The following HDAC9 variants were observed in gnomAD, a reference collection of about 807,000 sequenced individuals.
HDAC9 encodes the protein histone deacetylase 9, also known as MEF-2 interacting transcription repressor (MITR) protein.
HDAC9 carries 41 observed loss-of-function variants against 139.4 expected under a neutral mutation model. The observed-to-expected ratio is 0.29, with a 90% CI of 0.23 to 0.38. The LOEUF is 0.38. Ranked by LOEUF, HDAC9 falls within the 10% of genes least tolerant of loss-of-function variation. The probability of loss-of-function intolerance (pLI) is 1.00; values close to 1 mark genes in which losing one functional copy is unlikely to be tolerated. For synonymous variants in HDAC9, 517 were observed against 476.2 expected, an observed-to-expected ratio of 1.09 and a Z score of -1.12; for missense variants, 1,147 against 1,297.0, an observed-to-expected ratio of 0.88 and a Z score of 1.78.
intron 1 of HDAC9, among the ~76,000 whole-genome samples, chr7:18,326,470 T>C (rs1034969967): frequency 4.6e-5 from 7 of 152,030 alleles, no homozygotes; most frequent in African/African-American, 1.4e-4. Flanking sequence ...GATGCTTCAC[T>C]TCTCTATAGG....
At chr7:18,327,217 G>A (rs1044871956) in intron 1 of HDAC9, among the ~76,000 whole-genome samples, 2 of 151,710 alleles carry the variant, frequency 1.3e-5, no homozygotes, top group Non-Finnish European at 2.9e-5. Context: ...AAAAATAGTT[G>A]TGTTTAGGGA....
At chr7:18,290,101 T>TA (rs2128224142), upstream of HDAC9, 1 of 169,984 alleles carries the variant, frequency 5.9e-6, no homozygotes, top group African/African-American at 2.4e-5. Context: ...TGAGTATACT[T>TA]AGAGTATGGA....
At chr7:18,890,818 T>G (rs1416082963) in intron 22 of HDAC9, among the ~76,000 whole-genome samples, 7 of 152,218 alleles carry the variant, frequency 4.6e-5, no homozygotes, top group African/African-American at 1.7e-4. Flanking sequence ...CACCGTAATA[T>G]AAACTTTAAG....
chr7:18,853,921 A>C (rs1186668025), intron 21 of HDAC9, among the ~76,000 whole-genome samples: 1 of 152,148 alleles, frequency 6.6e-6, no homozygotes, highest in African/African-American at 2.4e-5. Flanking sequence ...TGGTTATCTT[A>C]AGTGTTGATT....
At chr7:18,822,724 C>T (rs10225036) in intron 17 of HDAC9, among the ~76,000 whole-genome samples, 1,804 of 152,234 alleles carry the variant, frequency 0.012, 36 homozygotes, top group African/African-American at 0.041. Flanking sequence ...AATGACTTTT[C>T]TTCTGTGCCA....
intron 23 of HDAC9, among the ~76,000 whole-genome samples, chr7:18,938,370 T>C (rs1267156295): frequency 6.6e-6 from 1 of 150,396 alleles, no homozygotes; most frequent in Non-Finnish European, 1.5e-5. Flanking sequence ...CCGAGGCGGG[T>C]GGATCACGAG....
intron 1 of HDAC9, among the ~76,000 whole-genome samples, chr7:18,312,646 G>C (rs1799393158): frequency 6.6e-6 from 1 of 152,076 alleles, no homozygotes; most frequent in East Asian, 1.9e-4. Flanking sequence ...CTTAGCAGAA[G>C]CTTCACAACT....
intron 2 of HDAC9, among the ~76,000 whole-genome samples, chr7:18,564,252 T>C (rs1821553777): frequency 6.6e-6 from 1 of 151,914 alleles, no homozygotes; most frequent in South Asian, 2.1e-4. Flanking sequence ...AAAAAAAAAA[T>C]TGTCCATGGC....
At chr7:18,521,935 T>C (rs1805185315) in intron 2 of HDAC9, among the ~76,000 whole-genome samples, 1 of 152,196 alleles carries the variant, frequency 6.6e-6, no homozygotes, top group African/African-American at 2.4e-5. Flanking sequence ...AACAGGAGGT[T>C]GAATGAACAT....
intron 1 of HDAC9, among the ~76,000 whole-genome samples, chr7:18,357,235 A>G (rs1223649288): frequency 1.3e-5 from 2 of 152,140 alleles, no homozygotes; most frequent in Non-Finnish European, 1.5e-5. Context: ...TATATATCCA[A>G]TCTAATATAT....
chr7:18,649,113 C>T (rs892905701), intron 11 of HDAC9, among the ~76,000 whole-genome samples: 2 of 152,158 alleles, frequency 1.3e-5, no homozygotes, highest in African/African-American at 2.4e-5. Flanking sequence ...TATGCATCTA[C>T]GTTACATTTA....
At chr7:18,225,022 TA>T (rs924201509) in intron 2 of HDAC9, among the ~76,000 whole-genome samples, 10 of 151,314 alleles carry the variant, frequency 6.6e-5, no homozygotes, top group South Asian at 2.1e-4. Context: ...ATAGTTGGCT[TA>T]AAAAAAAACC....
intron 1 of HDAC9, among the ~76,000 whole-genome samples, chr7:18,373,085 A>G (rs1296146149): frequency 6.6e-6 from 1 of 152,152 alleles, no homozygotes; most frequent in Admixed American, 6.6e-5. Context: ...CATTATTTTT[A>G]CAAGTACTTA....
intron 2 of HDAC9, among the ~76,000 whole-genome samples, chr7:18,273,326 C>A (rs1239512923): frequency 2.0e-5 from 3 of 151,998 alleles, no homozygotes; most frequent in African/African-American, 7.2e-5. Context: ...TCCTTGGCCT[C>A]CCAAAGTGCT....
At chr7:18,322,181 T>C (rs1301220815) in intron 1 of HDAC9, among the ~76,000 whole-genome samples, 1 of 152,162 alleles carries the variant, frequency 6.6e-6, no homozygotes, top group Non-Finnish European at 1.5e-5. Context: ...ACACTGTTCA[T>C]CTGTAAAGCT....
intron 17 of HDAC9, chr7:18,808,404 A>G (rs925819444): frequency 2.6e-5 from 4 of 152,208 alleles, no homozygotes; most frequent in African/African-American, 7.2e-5. Flanking sequence ...TGAATACGAC[A>G]TAGTTCTATG....
At chr7:18,441,116 G>A (rs1312777768) in intron 1 of HDAC9, among the ~76,000 whole-genome samples, 1 of 152,174 alleles carries the variant, frequency 6.6e-6, no homozygotes, top group Non-Finnish European at 1.5e-5. Context: ...CATAAAAGCT[G>A]AAGGGATACC....
At chr7:18,732,722 CACACACACGTGTATGTGTGCGTATGTGT>C (rs1469648097) in intron 13 of HDAC9, among the ~76,000 whole-genome samples, 4,465 of 99,488 alleles carry the variant, frequency 0.045, 745 homozygotes, top group African/African-American at 0.072. Flanking sequence ...TATGTGTACA[CACACACACGTGTATGTGTGCGTATGTGT>C]ACACACACGT....
At chr7:18,667,663 AG>A (rs1468482541) in intron 12 of HDAC9, 2 of 985,180 alleles carry the variant, frequency 2.0e-6, no homozygotes, top group Non-Finnish European at 2.4e-6. Flanking sequence ...TTGTGGAAAC[AG>A]GAAGTCCAAG....
Sources: allele counts gnomAD v4.1 joint callset (sites outside exome capture counted in the v4.1 genomes callset), GRCh38; gene constraint gnomAD v4.1.1; transcripts MANE v1.5; gene names NCBI Gene and HGNC (gene_info 2026-07-23, HGNC 2026-07-21).